The following RASA3 variants were observed in gnomAD, a reference collection of about 807,000 sequenced individuals.
RASA3 encodes the protein ras GTPase-activating protein 3.
A neutral mutation model predicts 110.0 loss-of-function variants in RASA3; 73 were observed. The observed-to-expected ratio is 0.66, with a 90% CI of 0.55 to 0.81. RASA3 has a LOEUF of 0.81. RASA3 is among the 30% of genes least tolerant of loss of function. The pLI is 0.00. For synonymous variants in RASA3, 500 were observed against 451.4 expected, an observed-to-expected ratio of 1.11 and a Z score of -1.37; for missense variants, 976 against 1,113.2, an observed-to-expected ratio of 0.88 and a Z score of 1.75.
chr13:113,996,984 G>A lies in RASA3; in HGVS notation c.1933-245C>T, dbSNP rs1417085952. Among the ~76,000 whole-genome samples, 3 of 152,380 alleles carry A rather than the reference G, an allele frequency of 2.0e-5. No homozygotes were observed. The East Asian group carries it at 5.8e-4, about 29-fold the overall frequency. On this transcript the variant is annotated intron_variant, in intron 20 of 23. Coordinates refer to ENST00000334062, the MANE Select transcript of RASA3 (RefSeq NM_007368.4). ...GGGAATGGAGGTGAGAACTGGTGCAGCTGGAGATGTGGCCAGGTGGCCAGG... is the reference window on the plus strand; with the variant it reads ...GGGAATGGAGGTGAGAACTGGTGCAACTGGAGATGTGGCCAGGTGGCCAGG...
chr13:114,041,584 C>T (rs1024631191), intron 3 of RASA3, among the ~76,000 whole-genome samples: 1 of 152,358 alleles, frequency 6.6e-6, no homozygotes, highest in South Asian at 2.1e-4. Context: ...ATGAACACCC[C>T]GTGCCTCACA....
At position 114,114,826 on chromosome 13, in the gene RASA3, C is replaced by G. The variant is rs1452877209; in HGVS notation, c.55+17609G>C. On this transcript the variant is annotated intron_variant, in intron 1 of 23. Coordinates refer to ENST00000334062, the MANE Select transcript of RASA3 (RefSeq NM_007368.4). The surrounding 1 kb of genome is among the most constrained non-coding windows in gnomAD (Gnocchi z 4.8). ...CTCATGTGCAGGGACAGGGCAGAGT[C>G]GTGACCAACAGTGGAAAGACCCATA... Among the ~76,000 whole-genome samples the G allele has an allele frequency of 2.6e-5, 4 of 152,306 alleles. No homozygotes were observed. The highest frequency in any genetic ancestry group is 3.4e-3 in the Middle Eastern group (1 of 294).
At chr13:114,082,581 G>A (rs189556284) in intron 1 of RASA3, among the ~76,000 whole-genome samples, 119 of 152,280 alleles carry the variant, frequency 7.8e-4, no homozygotes, top group Admixed American at 2.5e-3. Context: ...CCCTTGATGC[G>A]CCGCACTGAG....
chr13:114,066,451 GA>G (rs1312244746), intron 2 of RASA3, among the ~76,000 whole-genome samples: 2 of 152,180 alleles, frequency 1.3e-5, no homozygotes, highest in Non-Finnish European at 1.5e-5. Context: ...GAGAAGGGGG[GA>G]CCTGGCCTTT....
At chr13:114,053,084 T>TCACTACTGGGGGAGAGGCCCC in intron 2 of RASA3, among the ~76,000 whole-genome samples, 1 of 146,598 alleles carries the variant, frequency 6.8e-6, no homozygotes, top group South Asian at 2.1e-4. Context: ...CTTAGAGTCC[T>TCACTACTGGGGGAGAGGCCCC]CGCTCCTGGG....
At chr13:113,980,019 C>T (rs1327186434) in intron 23 of RASA3, among the ~76,000 whole-genome samples, 1 of 145,340 alleles carries the variant, frequency 6.9e-6, no homozygotes, top group African/African-American at 2.5e-5. Flanking sequence ...ACACCTCCCA[C>T]GTGTGCACCT....
In RASA3 at chr13:114,065,670, G is replaced by A. The variant is rs184578034; in HGVS notation, c.173+8050C>T. 9.4e-4 allele frequency among the ~76,000 whole-genome samples: 143 copies of A among 152,250 alleles called. No individual in the cohort carries two copies. The highest frequency in any genetic ancestry group is 1.6e-3 in the Non-Finnish European group (111 of 68,006). ...CGCAGGCTGGAGAATGGGGGTCCGC[G>A]GTCAGCTCATAGCCCACCCGCCACC... On this transcript the variant is annotated intron_variant, in intron 2 of 23. Coordinates refer to ENST00000334062, the MANE Select transcript of RASA3 (RefSeq NM_007368.4). The surrounding 1 kb of genome is among the most constrained non-coding windows in gnomAD (Gnocchi z 4.1).
At chr13:114,128,696 C>G (rs2139806425) in intron 1 of RASA3, among the ~76,000 whole-genome samples, 1 of 152,380 alleles carries the variant, frequency 6.6e-6, no homozygotes, top group African/African-American at 2.4e-5. Flanking sequence ...GGGTCTTCTT[C>G]ACGGACAAGC....
At chr13:114,027,756 C>T in intron 6 of RASA3, 91 bp downstream of exon 6, 1 of 1,320,148 alleles carries the variant, frequency 7.6e-7, no homozygotes, top group South Asian at 1.2e-5. Context: ...CCTCCTGACT[C>T]CTCCCAAATG....
At chr13:114,100,136 C>T (rs2080036215) in intron 1 of RASA3, among the ~76,000 whole-genome samples, 4 of 151,010 alleles carry the variant, frequency 2.6e-5, no homozygotes, top group Admixed American at 2.6e-4. Context: ...GCTTTCCAAA[C>T]TCTGCGCAAT....
At chr13:114,091,881 GT>G (rs894846502) in intron 1 of RASA3, among the ~76,000 whole-genome samples, 1 of 152,036 alleles carries the variant, frequency 6.6e-6, no homozygotes, top group African/African-American at 2.4e-5. Flanking sequence ...TTCAGGTTCT[GT>G]TTCTTTATGG....
intron 1 of RASA3, among the ~76,000 whole-genome samples, chr13:114,101,567 C>T (rs1405674290): frequency 1.3e-5 from 2 of 152,250 alleles, no homozygotes; most frequent in African/African-American, 2.4e-5. Flanking sequence ...CGGCACTGCA[C>T]GCCGGAGATC....
At chr13:114,037,870 T>A (rs1352184233) in intron 4 of RASA3, among the ~76,000 whole-genome samples, 1 of 151,694 alleles carries the variant, frequency 6.6e-6, no homozygotes, top group African/African-American at 2.4e-5. Context: ...GAGCACAGCC[T>A]TCTGTTTGGG....
chr13:114,021,541 C>T (rs759158314), intron 8 of RASA3, 33 bp from the exon 9 acceptor site: 149 of 1,587,574 alleles, frequency 9.4e-5, no homozygotes, highest in Non-Finnish European at 1.1e-4. Context: ...CTCTAGCTGA[C>T]GGCGGGCAGC....
chr13:114,083,167 C>T (rs2079809265), intron 1 of RASA3, among the ~76,000 whole-genome samples: 2 of 152,258 alleles, frequency 1.3e-5, no homozygotes, highest in South Asian at 2.1e-4. Context: ...TCACAAGCAA[C>T]TTTGTTGAAT....
chr13:114,027,808 C>A lies in RASA3; in HGVS notation c.530+39G>T, dbSNP rs751013619. The A allele has an allele frequency of 3.1e-6, 5 of 1,592,614 alleles. No individual in the cohort carries two copies. In the South Asian group the frequency reaches 3.3e-5, roughly 11 times the overall value. Reference sequence around the variant, plus strand: ...ATTTCAGAGCTGGACCCTAGCCCCCCAGGACCAGAACAGAAACCTGAAGCG... The same window carrying A: ...ATTTCAGAGCTGGACCCTAGCCCCCAAGGACCAGAACAGAAACCTGAAGCG... On this transcript the variant is annotated intron_variant, in intron 6 of 23. Coordinates refer to ENST00000334062, the MANE Select transcript of RASA3 (RefSeq NM_007368.4).
In RASA3 at chr13:113,996,753, T is replaced by A; in HGVS notation, c.1933-14A>T. 6.2e-7 allele frequency: 1 copy of A among 1,612,226 alleles called. No individual in the cohort carries two copies. The highest frequency in any genetic ancestry group is 1.3e-5 in the African/African-American group (1 of 75,032). On this transcript the variant is annotated splice_polypyrimidine_tract_variant and intron_variant, in intron 20 of 23. Transcript: ENST00000334062. ...GACCTGGAACATCTGAGGACACAGG[T>A]GGGCTCAGGACAGCGCACATGAGGT... is the stretch of plus-strand genomic sequence containing the variant.
intron 1 of RASA3, among the ~76,000 whole-genome samples, chr13:114,089,637 C>T (rs927172318): frequency 6.6e-6 from 1 of 152,228 alleles, no homozygotes; most frequent in African/African-American, 2.4e-5. Context: ...CCGCGCACGG[C>T]CGCCCCACAG....
rs2079810450 is a variant in RASA3, at chr13:114,083,266, AG to A, written c.56-9430del. On this transcript the variant is annotated intron_variant, in intron 1 of 23. Transcript: ENST00000334062. ...CGCTATATACAAGATTATTTAATTC[AG>A]GGTAGCAAGATTAGATGATCAACAA... Among the ~76,000 whole-genome samples, 5 of 152,384 alleles carry A rather than the reference AG, an allele frequency of 3.3e-5. 1 individual carries two copies. The highest frequency in any genetic ancestry group is 1.2e-4 in the African/African-American group (5 of 41,598).
Sources: allele counts gnomAD v4.1 joint callset (sites outside exome capture counted in the v4.1 genomes callset), GRCh38; gene constraint gnomAD v4.1.1; non-coding constraint Gnocchi (gnomAD v3.1); transcripts MANE v1.5; gene names NCBI Gene and HGNC (gene_info 2026-07-23, HGNC 2026-07-21).